WIPF3: variants seen among roughly 807,000 people sequenced by gnomAD.
WIPF3 encodes WAS/WASL-interacting protein family member 3.
WIPF3 carries 33 observed loss-of-function variants against 38.9 expected under a neutral mutation model. The observed-to-expected ratio is 0.85, with a 90% CI of 0.64 to 1.14. The LOEUF (loss-of-function observed/expected upper bound fraction) is 1.14. WIPF3 is among the 50% of genes most tolerant of loss of function. The pLI is 0.00. For missense variants in WIPF3, 711 were observed against 652.5 expected, an observed-to-expected ratio of 1.09 and a Z score of -0.98; for synonymous variants, 324 against 269.3, an observed-to-expected ratio of 1.20 and a Z score of -1.99.
chr7:29,900,504 G>A (rs1418834915), intron 7 of WIPF3, among the ~76,000 whole-genome samples: 1 of 152,136 alleles, frequency 6.6e-6, no homozygotes, highest in Non-Finnish European at 1.5e-5. Flanking sequence ...TGCGAGGAGA[G>A]GAGGTTGAGG....
At chr7:29,894,559 A>G (rs1786091629) in intron 7 of WIPF3, among the ~76,000 whole-genome samples, 1 of 152,150 alleles carries the variant, frequency 6.6e-6, no homozygotes, top group Non-Finnish European at 1.5e-5. Flanking sequence ...AAATTATATT[A>G]GTGTGAATCA....
chr7:29,881,003 C>T (rs570786926), intron 4 of WIPF3, among the ~76,000 whole-genome samples: 44 of 152,288 alleles, frequency 2.9e-4, no homozygotes, highest in Non-Finnish European at 4.7e-4. Context: ...CTCTCACACA[C>T]CAGCATGTTG....
At position 29,884,181 on chromosome 7, in the gene WIPF3, A is replaced by G; in HGVS notation, c.687A>G (p.Pro229=). ...VPCAPPPPPP[P]PPPTPPPLPP... ...GTGCGCCACCACCTCCACCTCCGCC[A>G]CCTCCCCCAACGCCACCCCCGCTGC... Residue 229 remains proline (P), a synonymous_variant, in exon 5 of 9, where the codon CCA becomes CCG. Coordinates refer to ENST00000242140, the MANE Select transcript of WIPF3 (RefSeq NM_001080529.3). The G allele has an allele frequency of 4.3e-6, 4 of 934,210 alleles. No individual in the cohort carries two copies. Among genetic ancestry groups the G allele is most frequent in the Non-Finnish European group, 5.2e-6 (4 of 775,136 alleles). The allele number at this position is 934,210 out of a possible 1,614,324, so 57.9% of individuals were successfully genotyped here. A position where few individuals can be genotyped will look rare whatever the true frequency, so the allele number is the denominator to read the frequency against.
intron 7 of WIPF3, among the ~76,000 whole-genome samples, chr7:29,890,371 AAG>A (rs1404080031): frequency 0.019 from 413 of 21,910 alleles, 15 homozygotes; most frequent in South Asian, 0.082. Context: ...AAAAAAAAAA[AAG>A]AGAGAGAGAG....
intron 7 of WIPF3, among the ~76,000 whole-genome samples, chr7:29,893,418 A>G (rs1786068247): frequency 1.3e-5 from 2 of 152,158 alleles, no homozygotes. Flanking sequence ...GGAGATGGAA[A>G]TATAGAACAA....
Position 29,823,834 on chromosome 7 carries a change from A to G in WIPF3, c.-57-10834A>G, listed in dbSNP as rs2128063304. ...CCCCCACCCCAGTCCTGCTTCTGCC[A>G]TTTAAGACACTGTTCCCACTTTGCC... is the stretch of plus-strand genomic sequence containing the variant. On this transcript the variant is annotated intron_variant, in intron 1 of 8. Transcript: ENST00000242140. The surrounding 1 kb of genome is among the most constrained non-coding windows in gnomAD (Gnocchi z 4.0). 6.6e-6 allele frequency among the ~76,000 whole-genome samples: 1 copy of G among 152,276 alleles called. No individual in the cohort carries two copies. The highest frequency in any genetic ancestry group is 1.9e-4 in the East Asian group (1 of 5,180).
intron 1 of WIPF3, 103 bp downstream of exon 1, chr7:29,806,781 C>A (rs1470490316): frequency 2.0e-5 from 3 of 151,580 alleles, no homozygotes; most frequent in African/African-American, 7.3e-5. Flanking sequence ...GTGGCCCGGC[C>A]CGGGACAGAG....
At chr7:29,909,043 A>T (rs1036863244) in intron 8 of WIPF3, among the ~76,000 whole-genome samples, 42 of 152,298 alleles carry the variant, frequency 2.8e-4, no homozygotes, top group Middle Eastern at 3.4e-3. Context: ...ACACTCTTAA[A>T]CAACCAATGG....
At chr7:29,833,027 A>G (rs6462183) in intron 1 of WIPF3, among the ~76,000 whole-genome samples, 88,776 of 152,072 alleles carry the variant, frequency 0.58, 26,152 homozygotes, top group Middle Eastern at 0.65. Context: ...CATGAATGAA[A>G]GTTGAAAACA....
At chr7:29,891,049 G>A (rs1402224256) in intron 7 of WIPF3, among the ~76,000 whole-genome samples, 1 of 141,278 alleles carries the variant, frequency 7.1e-6, no homozygotes, top group African/African-American at 2.7e-5. Context: ...GAGGGGGCAC[G>A]GGCCTGCCTT....
At position 29,878,937 on chromosome 7, in the gene WIPF3, A is replaced by ATGGTCTAACAC; in HGVS notation, c.224-66_224-65insAACACTGGTCT. ...GGCAGTGGTAGACCAGTGTTAGACC[A>ATGGTCTAACAC]TGGTCTGAAATGAGACCTGGCTGCT... is the stretch of plus-strand genomic sequence containing the variant. On this transcript the variant is annotated intron_variant, in intron 3 of 8. Coordinates refer to ENST00000242140, the MANE Select transcript of WIPF3 (RefSeq NM_001080529.3). The surrounding 1 kb of genome is among the most constrained non-coding windows in gnomAD (Gnocchi z 4.0). 1 of 1,508,228 alleles carries ATGGTCTAACAC rather than the reference A, an allele frequency of 6.6e-7. No homozygotes were observed. Among genetic ancestry groups the ATGGTCTAACAC allele is most frequent in the South Asian group, 1.2e-5 (1 of 82,032 alleles). The allele number at this position is 1,508,228 out of a possible 1,614,324, so 93.4% of individuals were successfully genotyped here.
chr7:29,864,466 C>T (rs1341963253), intron 2 of WIPF3, among the ~76,000 whole-genome samples: 1 of 152,120 alleles, frequency 6.6e-6, no homozygotes, highest in African/African-American at 2.4e-5. Context: ...GTTGTGTAAT[C>T]GTATTAAGTG....
intron 4 of WIPF3, 29 bp downstream of exon 4, chr7:29,879,169 G>A (rs1785667524): frequency 1.2e-6 from 2 of 1,600,840 alleles, no homozygotes; most frequent in South Asian, 1.1e-5. Flanking sequence ...TGGCTCCCTT[G>A]TGGTCTGTAT....
At chr7:29,870,270 A>G (rs1488991012) in intron 2 of WIPF3, among the ~76,000 whole-genome samples, 1 of 152,186 alleles carries the variant, frequency 6.6e-6, no homozygotes, top group Non-Finnish European at 1.5e-5. Flanking sequence ...TTCAATTCAA[A>G]TGGATGCAGC....
chr7:29,852,366 A>G (rs1322071308), intron 2 of WIPF3, among the ~76,000 whole-genome samples: 2 of 152,274 alleles, frequency 1.3e-5, no homozygotes, highest in East Asian at 3.8e-4. Flanking sequence ...GGCCAAAAGT[A>G]GAAGGTGCCA....
rs144387800 is a variant in WIPF3, at chr7:29,826,338, A to T, written c.-57-8330A>T. ...GGCCTTACGCAGAAGCTTGTTAGAA[A>T]TGCAGAATCCCAGGCCCCAACTCCG... On this transcript the variant is annotated intron_variant, in intron 1 of 8. Transcript: ENST00000242140. Among the ~76,000 whole-genome samples the T allele has an allele frequency of 3.4e-3, 512 of 152,250 alleles. 4 individuals carry two copies. The highest frequency in any genetic ancestry group is 0.012 in the African/African-American group (483 of 41,534).
At chr7:29,877,970 C>T (rs1345951757) in intron 3 of WIPF3, among the ~76,000 whole-genome samples, 1 of 152,076 alleles carries the variant, frequency 6.6e-6, no homozygotes, top group East Asian at 1.9e-4. Flanking sequence ...CTATGATGTG[C>T]GTGATGGTAA....
chr7:29,825,105 G>T (rs867711946), intron 1 of WIPF3, among the ~76,000 whole-genome samples: 1 of 152,096 alleles, frequency 6.6e-6, no homozygotes, highest in Non-Finnish European at 1.5e-5. Context: ...AACACCATTC[G>T]TATAAAATCT....
chr7:29,873,334 G>A (rs1039010805), intron 2 of WIPF3, among the ~76,000 whole-genome samples: 1 of 152,042 alleles, frequency 6.6e-6, no homozygotes, highest in Non-Finnish European at 1.5e-5. Flanking sequence ...TAATTCAGTG[G>A]GTTATCTTCT....
Sources: allele counts gnomAD v4.1 joint callset (sites outside exome capture counted in the v4.1 genomes callset), GRCh38; gene constraint gnomAD v4.1.1; non-coding constraint Gnocchi (gnomAD v3.1); transcripts MANE v1.5; gene names NCBI Gene and HGNC (gene_info 2026-07-23, HGNC 2026-07-21).